Variants in SYNPO2L observed in about 807,000 individuals in gnomAD.
The protein encoded by SYNPO2L is synaptopodin 2-like protein.
SYNPO2L carries 34 observed loss-of-function variants against 47.5 expected under a neutral mutation model. The observed-to-expected ratio is 0.72, with a 90% CI of 0.54 to 0.95. The LOEUF (loss-of-function observed/expected upper bound fraction) is 0.95. Ranked by LOEUF, SYNPO2L falls within the 40% of genes least tolerant of loss-of-function variation. The pLI is 0.00. For synonymous variants in SYNPO2L, 536 were observed against 524.9 expected (o/e 1.02, Z -0.29); for missense variants, 1,246 against 1,282.0 (o/e 0.97, Z 0.43).
intron 1 of SYNPO2L, among the ~76,000 whole-genome samples, 177 bp downstream of exon 1, chr10:73,655,641 G>A (rs1267070217): frequency 5.9e-5 from 9 of 151,876 alleles, no homozygotes; most frequent in African/African-American, 9.7e-5. Context: ...CCCACAGGAA[G>A]CCTGTGGTCA....
At position 73,647,479 on chromosome 10, in the gene SYNPO2L, C is replaced by G; in HGVS notation, c.2173G>C (p.Val725Leu). The part of the protein sequence containing the change: ...PPMTPKTPPP[V>L]APKPPSRGLL... ...CCTCGAGATGGGGGCTTAGGAGCCA[C>G]TGGGGGTGGAGTCTTAGGAGTCATA... Residue 725 changes from valine to leucine, a missense_variant, in exon 4 of 4, where the codon GTG (valine) becomes CTG (leucine). Val to Leu is a conservative substitution (Grantham distance 32, BLOSUM62 1). Transcript: ENST00000394810. 1 of 1,589,878 alleles carries G rather than the reference C, an allele frequency of 6.3e-7. No homozygotes were observed. The highest frequency in any genetic ancestry group is 8.6e-7 in the Non-Finnish European group (1 of 1,165,292).
At chr10:73,655,265 T>A (rs2081869819) in intron 1 of SYNPO2L, among the ~76,000 whole-genome samples, 1 of 152,110 alleles carries the variant, frequency 6.6e-6, no homozygotes, top group South Asian at 2.1e-4. Context: ...GATAATGACT[T>A]CATCTGTGAG....
At chr10:73,653,707 A>T in intron 2 of SYNPO2L, 54 bp from the exon 3 acceptor site, 1 of 1,482,022 alleles carries the variant, frequency 6.7e-7, no homozygotes, top group African/African-American at 1.4e-5. Flanking sequence ...TGACAGCTAG[A>T]GAGATCTGGA....
At position 73,645,949 on chromosome 10, in the gene SYNPO2L, C is replaced by G. The variant is rs1227271269; in HGVS notation, c.*769G>C. On this transcript the variant is annotated 3_prime_UTR_variant, in exon 4 of 4. Transcript: ENST00000394810. ...ATGCCATTCTCCTGCCTCAGCCTCC[C>G]GAGTAGCTGGGACTACAGGCGCTCG... 2.3e-6 allele frequency: 2 copies of G among 867,104 alleles called. No homozygotes were observed. Among genetic ancestry groups the G allele is most frequent in the Non-Finnish European group, 2.8e-6 (2 of 721,894 alleles). 53.7% of individuals were successfully genotyped at this position (867,104 alleles called of 1,614,324 possible).
At chr10:73,654,484 T>A (rs1322161659) in intron 1 of SYNPO2L, among the ~76,000 whole-genome samples, 1 of 151,906 alleles carries the variant, frequency 6.6e-6, no homozygotes, top group Non-Finnish European at 1.5e-5. Flanking sequence ...CATCATATGG[T>A]GGGAAATAGG....
rs1438162994 is a variant in SYNPO2L at position 73,648,636 on chromosome 10, GCTT to G, written c.1013_1015del (p.Glu338del). On this transcript the variant is annotated inframe_deletion, in exon 4 of 4. Transcript: ENST00000394810. Reference sequence around the variant, plus strand: ...GGTGAGGCTGCGGGCGTCAGAGAAGGCTTCTTCGTCCAGCTCGGACTCACTCGT... The same window carrying G: ...GGTGAGGCTGCGGGCGTCAGAGAAGGCTTCGTCCAGCTCGGACTCACTCGT... 4 of 1,613,710 alleles carry G rather than the reference GCTT, an allele frequency of 2.5e-6. No homozygotes were observed. Among genetic ancestry groups the G allele is most frequent in the Non-Finnish European group, 3.4e-6 (4 of 1,179,734 alleles).
chr10:73,653,556 C>G lies in SYNPO2L; in HGVS notation c.355G>C (p.Val119Leu). 1.3e-6 allele frequency: 2 copies of G among 1,552,090 alleles called. No individual in the cohort carries two copies. Among genetic ancestry groups the G allele is most frequent in the Non-Finnish European group, 1.7e-6 (2 of 1,147,078 alleles). The change falls in exon 3 of 4, where the codon GTT (valine) becomes CTT (leucine). Residue 119 changes from valine to leucine, a missense_variant. This residue lies in a region of SYNPO2L where 148 missense variants were observed against 204.8 expected (regional missense o/e 0.72). Transcript: ENST00000394810. ...CTCCCAGGCTGAAGAGGCTGAGGAA[C>G]TGGAGCACCAGGGGGCTCAGGACTT... is the stretch of plus-strand genomic sequence containing the variant. Reference protein sequence around the residue: ...PLSPEPPGAPVPQPLQPGSLR... With the variant: ...PLSPEPPGAPLPQPLQPGSLR...
rs749813969 is a variant in SYNPO2L at position 73,647,530 on chromosome 10, G to GA, written c.2121dup (p.Pro708SerfsTer13). 216 of 1,592,678 alleles carry GA rather than the reference G, an allele frequency of 1.4e-4. No individual in the cohort carries two copies. Among genetic ancestry groups the GA allele is most frequent in the Admixed American group, 1.0e-3 (61 of 58,288 alleles). The stretch of plus-strand genomic sequence containing the variant: ...GGGGGCGGGGTCTTGGGAGCCATTG[G>GA]AGGGGGGGTCTTAGGTGTCACGTGA... On this transcript the variant is annotated frameshift_variant, in exon 4 of 4. Coordinates refer to ENST00000394810, the MANE Select transcript of SYNPO2L (RefSeq NM_001114133.3). LOFTEE classifies it high-confidence loss of function.
chr10:73,646,007 G>A lies in SYNPO2L; in HGVS notation c.*711C>T. The A allele has an allele frequency of 1.1e-6, 1 of 911,476 alleles. No homozygotes were observed. Among genetic ancestry groups the A allele is most frequent in the African/African-American group, 1.8e-5 (1 of 56,104 alleles). 56.5% of individuals were successfully genotyped at this position (911,476 alleles called of 1,614,324 possible). On this transcript the variant is annotated 3_prime_UTR_variant, in exon 4 of 4. Coordinates refer to ENST00000394810, the MANE Select transcript of SYNPO2L (RefSeq NM_001114133.3). The stretch of plus-strand genomic sequence containing the variant: ...GCCCAGCTAATTTTTTGTATTTTTA[G>A]TGGAAATGGGGTTTCACCGTGTTAG...
chr10:73,650,430 A>C (rs2081832055), intron 3 of SYNPO2L, among the ~76,000 whole-genome samples: 2 of 152,188 alleles, frequency 1.3e-5, no homozygotes, highest in Admixed American at 1.3e-4. Flanking sequence ...CACCTCATTA[A>C]AGTTCGGTTT....
chr10:73,647,483 G>A lies in SYNPO2L; in HGVS notation c.2169C>T (p.Pro723=), dbSNP rs768127784. The A allele has an allele frequency of 1.3e-6, 2 of 1,592,570 alleles. No individual in the cohort carries two copies. The highest frequency in any genetic ancestry group is 1.1e-5 in the South Asian group (1 of 88,684). ...GAGATGGGGGCTTAGGAGCCACTGGGGGTGGAGTCTTAGGAGTCATAGGGG... is the reference window on the plus strand; with the variant it reads ...GAGATGGGGGCTTAGGAGCCACTGGAGGTGGAGTCTTAGGAGTCATAGGGG... ...TPPPMTPKTP[P]PVAPKPPSRG... Residue 723 remains proline (P), a synonymous_variant, in exon 4 of 4, where the codon CCC becomes CCT. Transcript: ENST00000394810.
chr10:73,655,411 G>C (rs999190518), intron 1 of SYNPO2L, among the ~76,000 whole-genome samples: 6 of 152,126 alleles, frequency 3.9e-5, no homozygotes, highest in African/African-American at 1.4e-4. Flanking sequence ...GGGCTAGGCT[G>C]TTCGAGGCAG....
chr10:73,649,027 G>C (rs1233129041), intron 3 of SYNPO2L, 148 bp from the exon 4 acceptor site: 4 of 1,319,006 alleles, frequency 3.0e-6, no homozygotes, highest in Middle Eastern at 5.6e-4. Context: ...CTCTGACTTA[G>C]GGGCAGAGTG....
chr10:73,650,781 A>T, intron 3 of SYNPO2L: 2 of 1,335,786 alleles, frequency 1.5e-6, no homozygotes, highest in Non-Finnish European at 1.9e-6. Context: ...TCCTGAGAAA[A>T]GGAGGAAGAG....
At position 73,646,285 on chromosome 10, in the gene SYNPO2L, AG is replaced by A. The variant is rs2081748462; in HGVS notation, c.*432del. The A allele has an allele frequency of 1.0e-6, 1 of 993,546 alleles. No individual in the cohort carries two copies. Among genetic ancestry groups the A allele is most frequent in the African/African-American group, 1.7e-5 (1 of 57,302 alleles). The allele number at this position is 993,546 out of a possible 1,614,324, so 61.5% of individuals were successfully genotyped here. ...GGGGTGGGGGTGGCTTAGTGCAAAC[AG>A]GGGTCAGTTCAGTCCCTTTGCTGTG... On this transcript the variant is annotated 3_prime_UTR_variant, in exon 4 of 4. Coordinates refer to ENST00000394810, the MANE Select transcript of SYNPO2L (RefSeq NM_001114133.3).
Position 73,648,424 on chromosome 10 carries a change from G to A in SYNPO2L, c.1228C>T (p.Pro410Ser), listed in dbSNP as rs756968415. 2.5e-6 allele frequency: 4 copies of A among 1,608,172 alleles called. No individual in the cohort carries two copies. Among genetic ancestry groups the A allele is most frequent in the Middle Eastern group, 1.6e-4 (1 of 6,084 alleles). ...CCTTCCCCGTTGAGCATGGCTGCTG[G>A]TTCGACCCGTGCCAGTTCCTGGGTG... ...SSTQELARVE[P>S]AAMLNGEGLQ... Residue 410 changes from proline to serine, a missense_variant, in exon 4 of 4, where the codon CCA (proline) becomes TCA (serine). Pro to Ser is a moderately conservative substitution (Grantham distance 74). Transcript: ENST00000394810.
chr10:73,650,118 C>T, intron 3 of SYNPO2L: 1 of 985,442 alleles, frequency 1.0e-6, no homozygotes, highest in Non-Finnish European at 1.2e-6. Context: ...TGCGAGGACC[C>T]CGCCTTGCAC....
rs534999959 is a variant in SYNPO2L at position 73,646,541 on chromosome 10, C to T, written c.*177G>A. ...AAAGCAGACATACTTGGTTGGAAAGCGGCAGGGAGGTAGAGAGTGAGGAGG... is the reference window on the plus strand; with the variant it reads ...AAAGCAGACATACTTGGTTGGAAAGTGGCAGGGAGGTAGAGAGTGAGGAGG... On this transcript the variant is annotated 3_prime_UTR_variant, in exon 4 of 4. Transcript: ENST00000394810. 1.4e-5 allele frequency: 17 copies of T among 1,257,442 alleles called. No homozygotes were observed. The highest frequency in any genetic ancestry group is 7.7e-5 in the Admixed American group (2 of 26,114). The allele number at this position is 1,257,442 out of a possible 1,614,324, so 77.9% of individuals were successfully genotyped here. A position where few individuals can be genotyped will look rare whatever the true frequency, so the allele number is the denominator to read the frequency against.
chr10:73,655,808 T>C lies in SYNPO2L; in HGVS notation c.105+10A>G. The C allele has an allele frequency of 6.6e-7, 1 of 1,525,382 alleles. No individual in the cohort carries two copies. The highest frequency in any genetic ancestry group is 1.2e-5 in the South Asian group (1 of 83,602). The allele number at this position is 1,525,382 out of a possible 1,614,324, so 94.5% of individuals were successfully genotyped here. A position where few individuals can be genotyped will look rare whatever the true frequency, so the allele number is the denominator to read the frequency against. On this transcript the variant is annotated intron_variant, in intron 1 of 3. Transcript: ENST00000394810. Reference sequence around the variant, plus strand: ...TTCCCTGAAGCCTCATTTCAGGGGCTCTCCCTTACCTTAGACACCTGTAAC... The same window carrying C: ...TTCCCTGAAGCCTCATTTCAGGGGCCCTCCCTTACCTTAGACACCTGTAAC...
Sources: allele counts gnomAD v4.1 joint callset (sites outside exome capture counted in the v4.1 genomes callset), GRCh38; gene constraint gnomAD v4.1.1; regional missense constraint gnomAD v4.1.1; transcripts MANE v1.5; gene names NCBI Gene and HGNC (gene_info 2026-07-23, HGNC 2026-07-21).